The following KDM2B variants were observed in gnomAD, a reference collection of about 807,000 sequenced individuals.
KDM2B encodes the protein lysine demethylase 2B, also known as lysine-specific demethylase 2B.
A neutral mutation model predicts 150.0 loss-of-function variants in KDM2B; 26 were observed. That is an observed-to-expected ratio of 0.17 (90% confidence interval 0.13 to 0.24). The LOEUF (loss-of-function observed/expected upper bound fraction) is 0.24. Among genes scored for constraint, KDM2B ranks in the 10% least tolerant of loss-of-function variants. The pLI is 1.00. For synonymous variants in KDM2B, 734 were observed against 729.5 expected, an observed-to-expected ratio of 1.01 and a Z score of -0.10; for missense variants, 1,265 against 1,816.9, an observed-to-expected ratio of 0.70 and a Z score of 5.52.
the KDM2B span, chr12:121,417,717 G>C: frequency 6.2e-7 from 1 of 1,614,202 alleles, no homozygotes; most frequent in African/African-American, 1.3e-5. This position sits in a 1 kb window ranked among gnomAD's most constrained non-coding sequence, Gnocchi z 5.0. Context: ...GGTGGATCTA[G>C]TACTGTGCCA....
At chr12:121,576,278 C>T (rs944410138) in intron 2 of KDM2B, among the ~76,000 whole-genome samples, 1 of 152,176 alleles carries the variant, frequency 6.6e-6, no homozygotes, top group Non-Finnish European at 1.5e-5. Context: ...AAGAATGCCA[C>T]CTGGGAGGAT....
In KDM2B at chr12:121,533,106, T is replaced by A; in HGVS notation, c.778-147A>T. The A allele has an allele frequency of 1.3e-6, 1 of 751,874 alleles. No homozygotes were observed. The highest frequency in any genetic ancestry group is 2.1e-6 in the Non-Finnish European group (1 of 467,356). 46.6% of individuals were successfully genotyped at this position (751,874 alleles called of 1,614,324 possible). A position where few individuals can be genotyped will look rare whatever the true frequency, so the allele number is the denominator to read the frequency against. ...TGGAGAGATGGCAGATCCATCCCTC[T>A]GGACTCTCTGCAAGGCCAGGTCCCT... On this transcript the variant is annotated intron_variant, in intron 7 of 22. Transcript: ENST00000377071. This position sits in a 1 kb window ranked among gnomAD's most constrained non-coding sequence, Gnocchi z 4.1.
At position 121,580,935 on chromosome 12, in the gene KDM2B, C is replaced by A. The variant is rs782083431; in HGVS notation, c.-24G>T. ...ATGTGGAGGAGGCATTTGGGGGGCT[C>A]AGAAGGAAATTAGCTCGGCTTCCAT... On this transcript the variant is annotated 5_prime_UTR_variant, in exon 1 of 23. An upstream open reading frame in the 5' UTR loses its in-frame stop. Coordinates refer to ENST00000377071, the MANE Select transcript of KDM2B (RefSeq NM_032590.5). The A allele has an allele frequency of 1.2e-5, 20 of 1,610,978 alleles. No individual in the cohort carries two copies. In the Middle Eastern group the frequency reaches 1.0e-3, roughly 81 times the overall value.
chr12:121,528,916 A>G (rs1462541551), intron 8 of KDM2B, among the ~76,000 whole-genome samples: 2 of 152,198 alleles, frequency 1.3e-5, no homozygotes, highest in East Asian at 3.8e-4. Context: ...CAAAACAAAG[A>G]TGACTTGGTA....
At chr12:121,578,749 C>T in intron 2 of KDM2B, 53 bp downstream of exon 2, 2 of 1,380,310 alleles carry the variant, frequency 1.4e-6, no homozygotes, top group Non-Finnish European at 1.9e-6. Flanking sequence ...GCTCCCTCCC[C>T]ACGTGCGCTC....
intron 11 of KDM2B, among the ~76,000 whole-genome samples, chr12:121,506,356 G>A (rs80129007): frequency 6.6e-6 from 1 of 152,070 alleles, no homozygotes; most frequent in African/African-American, 2.4e-5. Context: ...AGACTAATCA[G>A]AAACTCTCCT....
At chr12:121,514,421 G>A (rs960412200) in intron 9 of KDM2B, among the ~76,000 whole-genome samples, 4 of 151,876 alleles carry the variant, frequency 2.6e-5, no homozygotes, top group Non-Finnish European at 5.9e-5. Flanking sequence ...TTCCACGGGG[G>A]GCAGTTCAGG....
chr12:121,418,155 T>A, the KDM2B span: 7 of 507,860 alleles, frequency 1.4e-5, no homozygotes, highest in African/African-American at 1.3e-4. Flanking sequence ...CTCTTGGCCT[T>A]AGTTAATTTC....
chr12:121,442,517 G>A lies in KDM2B; in HGVS notation c.2924C>T (p.Ser975Leu), dbSNP rs781789924. Residue 975 changes from serine (S) to leucine (L), a missense_variant, in exon 19 of 23, where the codon TCG (serine) becomes TTG (leucine). Ser to Leu is a moderately radical substitution (Grantham distance 145, BLOSUM62 -2). Around this residue, in one of 11 missense-constraint regions of KDM2B, gnomAD observed 418 missense variants for 402.4 expected, o/e 1.04. Coordinates refer to ENST00000377071, the MANE Select transcript of KDM2B (RefSeq NM_032590.5). This position sits in a 1 kb window ranked among gnomAD's most constrained non-coding sequence, Gnocchi z 7.7. ...CTCCTCGCCCTCGCTCTCAGGCTCCGACTTGATGGGCTGCTGGTTCTCGTT... is the reference window on the plus strand; with the variant it reads ...CTCCTCGCCCTCGCTCTCAGGCTCCAACTTGATGGGCTGCTGGTTCTCGTT... ...LANENQQPIK[S>L]EPESEGEEPK... is the part of the protein sequence containing the mutation. 5.0e-6 allele frequency: 8 copies of A among 1,599,610 alleles called. No homozygotes were observed. Among genetic ancestry groups the A allele is most frequent in the East Asian group, 4.5e-5 (2 of 44,862 alleles).
chr12:121,519,294 G>A (rs1187706521), intron 9 of KDM2B, among the ~76,000 whole-genome samples: 1 of 152,210 alleles, frequency 6.6e-6, no homozygotes, highest in African/African-American at 2.4e-5. Context: ...ACAAGACCAG[G>A]AGAGACAGGG....
chr12:121,499,485 C>CA (rs1179989848), intron 11 of KDM2B, among the ~76,000 whole-genome samples: 47 of 151,506 alleles, frequency 3.1e-4, no homozygotes, highest in East Asian at 2.7e-3. Flanking sequence ...CCCATCTCTA[C>CA]AAAAAAAATT....
intron 12 of KDM2B, among the ~76,000 whole-genome samples, chr12:121,489,525 C>T (rs1158784157): frequency 5.9e-5 from 9 of 152,256 alleles, no homozygotes; most frequent in Non-Finnish European, 8.8e-5. Flanking sequence ...CTGCAACCTC[C>T]GCCTCACAGG....
the KDM2B span, chr12:121,420,287 G>A: frequency 2.2e-5 from 35 of 1,595,048 alleles, no homozygotes; most frequent in Middle Eastern, 2.2e-3. Flanking sequence ...TGATGATGAC[G>A]ACGATGATGA....
chr12:121,519,919 G>T (rs1886538243), intron 9 of KDM2B, among the ~76,000 whole-genome samples: 2 of 152,112 alleles, frequency 1.3e-5, no homozygotes, highest in Admixed American at 6.6e-5. Context: ...TATGAGACAG[G>T]TCCGGCTCTG....
chr12:121,574,742 T>A, intron 3 of KDM2B, 149 bp from the exon 4 acceptor site: 1 of 690,094 alleles, frequency 1.4e-6, no homozygotes, highest in Non-Finnish European at 2.5e-6. Context: ...GGGAGAGAAG[T>A]AGACCAGTTG....
At chr12:121,502,122 C>G (rs1244491111) in intron 11 of KDM2B, among the ~76,000 whole-genome samples, 1 of 152,204 alleles carries the variant, frequency 6.6e-6, no homozygotes, top group Non-Finnish European at 1.5e-5. Context: ...TTTGACCCTG[C>G]ACCGGCCTGT....
intron 4 of KDM2B, among the ~76,000 whole-genome samples, chr12:121,556,215 G>A (rs1216625009): frequency 6.6e-6 from 1 of 152,008 alleles, no homozygotes; most frequent in Middle Eastern, 3.2e-3. Flanking sequence ...GTGAGCCACT[G>A]CACTCGGCCT....
chr12:121,562,668 G>C (rs1555314014), intron 4 of KDM2B, among the ~76,000 whole-genome samples: 1 of 151,158 alleles, frequency 6.6e-6, no homozygotes, highest in East Asian at 1.9e-4. Flanking sequence ...GAGGAGGAAG[G>C]GGGGAGGAAG....
chr12:121,557,583 C>A (rs2142211873), intron 4 of KDM2B, among the ~76,000 whole-genome samples: 1 of 152,182 alleles, frequency 6.6e-6, no homozygotes, highest in South Asian at 2.1e-4. Flanking sequence ...AGGAAGACAG[C>A]CACGTGAAGA....
Sources: gnomAD v4.1 joint callset for allele counts (sites outside exome capture counted in the v4.1 genomes callset) on GRCh38, gnomAD v4.1.1 for gene constraint, gnomAD v4.1.1 regional missense constraint, Gnocchi (gnomAD v3.1) non-coding constraint, MANE v1.5 for transcripts, NCBI Gene and HGNC (gene_info 2026-07-23, HGNC 2026-07-21) for gene names.